The following PARD3B variants were observed in gnomAD, a reference collection of about 807,000 sequenced individuals.
PARD3B encodes partitioning defective 3 homolog B.
Under a neutral mutation model 130.2 loss-of-function variants are expected in PARD3B, and 103 were observed. The observed-to-expected ratio is 0.79, with a 90% confidence interval of 0.67 to 0.93. The LOEUF (loss-of-function observed/expected upper bound fraction) is 0.93. Among genes scored for constraint, PARD3B ranks in the 40% least tolerant of loss-of-function variants. The pLI is 0.00. For missense variants in PARD3B, 1,609 were observed against 1,499.2 expected (o/e 1.07, Z -1.21); for synonymous variants, 583 against 553.2 (o/e 1.05, Z -0.76).
At chr2:205,580,241 G>A (rs992140208) in intron 22 of PARD3B, among the ~76,000 whole-genome samples, 10 of 152,026 alleles carry the variant, frequency 6.6e-5, no homozygotes, top group African/African-American at 2.4e-4. Context: ...ATTCAGGTTT[G>A]GTGATTTATA....
At chr2:205,019,944 T>C (rs922716314) in intron 3 of PARD3B, among the ~76,000 whole-genome samples, 9 of 152,130 alleles carry the variant, frequency 5.9e-5, no homozygotes, top group African/African-American at 2.2e-4. Flanking sequence ...GCAATAAAGT[T>C]ATAGTCCCCA....
At chr2:205,365,110 G>T (rs1446908384) in intron 18 of PARD3B, among the ~76,000 whole-genome samples, 3 of 150,572 alleles carry the variant, frequency 2.0e-5, no homozygotes, top group Non-Finnish European at 4.4e-5. Flanking sequence ...TAAGGCAGGA[G>T]AATTGTTTGA....
intron 2 of PARD3B, among the ~76,000 whole-genome samples, chr2:204,808,214 GTTTTAT>G (rs1321752125): frequency 1.3e-5 from 2 of 151,898 alleles, no homozygotes; most frequent in South Asian, 2.1e-4. Flanking sequence ...TTTTTTACTA[GTTTTAT>G]TTTTAAGTTT....
chr2:205,556,318 A>C (rs997586618), intron 22 of PARD3B, among the ~76,000 whole-genome samples: 1 of 152,200 alleles, frequency 6.6e-6, no homozygotes, highest in Non-Finnish European at 1.5e-5. Context: ...GGAACAATTC[A>C]ATAACATTGA....
intron 11 of PARD3B, among the ~76,000 whole-genome samples, chr2:205,169,629 C>T (rs1299866317): frequency 6.6e-6 from 1 of 152,084 alleles, no homozygotes; most frequent in Non-Finnish European, 1.5e-5. Flanking sequence ...TATCTTGTTT[C>T]TTCCTGTCGT....
At chr2:204,881,677 G>A (rs573007286) in intron 2 of PARD3B, among the ~76,000 whole-genome samples, 1 of 152,276 alleles carries the variant, frequency 6.6e-6, no homozygotes, top group Admixed American at 6.5e-5. Flanking sequence ...AATTTCTGAT[G>A]GATTCCAGGC....
intron 20 of PARD3B, among the ~76,000 whole-genome samples, chr2:205,494,879 A>G (rs2049867174): frequency 6.6e-6 from 1 of 152,200 alleles, no homozygotes; most frequent in East Asian, 1.9e-4. Context: ...AATGTCAACA[A>G]CAATGTCATC....
intron 19 of PARD3B, among the ~76,000 whole-genome samples, chr2:205,412,823 C>T (rs1224186753): frequency 6.6e-6 from 1 of 152,140 alleles, no homozygotes; most frequent in African/African-American, 2.4e-5. Flanking sequence ...TCCATTATAC[C>T]TTCTCAAACT....
chr2:204,848,529 A>G lies in PARD3B; in HGVS notation c.223-116623A>G, dbSNP rs2044561845. Among the ~76,000 whole-genome samples, 4 of 152,246 alleles carry G rather than the reference A, an allele frequency of 2.6e-5. No individual in the cohort carries two copies. In the South Asian group the frequency reaches 6.2e-4, roughly 24 times the overall value. On this transcript the variant is annotated intron_variant, in intron 2 of 22. Transcript: ENST00000406610. Reference sequence around the variant, plus strand: ...GTGTGTGGTACATGCCTGTAGTTCCAGCTCCTCTGGAGGCTGAGGCAGAAG... The same window carrying G: ...GTGTGTGGTACATGCCTGTAGTTCCGGCTCCTCTGGAGGCTGAGGCAGAAG...
intron 16 of PARD3B, among the ~76,000 whole-genome samples, chr2:205,254,291 A>T (rs186266159): frequency 9.9e-5 from 15 of 152,122 alleles, no homozygotes; most frequent in African/African-American, 3.1e-4. Context: ...CCGACACCTC[A>T]TATTGGAAGT....
chr2:204,804,531 A>G (rs1260175738), intron 2 of PARD3B, among the ~76,000 whole-genome samples: 5 of 152,194 alleles, frequency 3.3e-5, no homozygotes, highest in Non-Finnish European at 7.3e-5. Flanking sequence ...TAGAGACCCC[A>G]ATATGTTAAT....
chr2:205,427,383 C>T (rs371748591), intron 19 of PARD3B, among the ~76,000 whole-genome samples: 4 of 152,170 alleles, frequency 2.6e-5, no homozygotes, highest in Middle Eastern at 3.4e-3. Context: ...ATGCATGACT[C>T]GTTAAATAAA....
In PARD3B at chr2:205,309,332, C is replaced by G. The variant is rs1474806661; in HGVS notation, c.2630+7631C>G. Among the ~76,000 whole-genome samples the G allele has an allele frequency of 6.6e-6, 1 of 152,098 alleles. No individual in the cohort carries two copies. Among genetic ancestry groups the G allele is most frequent in the African/African-American group, 2.4e-5 (1 of 41,414 alleles). On this transcript the variant is annotated intron_variant, in intron 18 of 22. Transcript: ENST00000406610. The surrounding 1 kb of genome is among the most constrained non-coding windows in gnomAD (Gnocchi z 4.7). ...CAACTCAGATAATGCAAGCATACCTCAAAGATAGACTAGTTCGGTTACATA... is the reference window on the plus strand; with the variant it reads ...CAACTCAGATAATGCAAGCATACCTGAAAGATAGACTAGTTCGGTTACATA...
intron 22 of PARD3B, among the ~76,000 whole-genome samples, chr2:205,569,140 C>T (rs751714452): frequency 3.3e-5 from 5 of 151,158 alleles, no homozygotes; most frequent in African/African-American, 4.9e-5. Context: ...TTACTCTCAG[C>T]GAGGTTTAAT....
chr2:204,600,284 G>A (rs1319432990), intron 1 of PARD3B, among the ~76,000 whole-genome samples: 2 of 151,666 alleles, frequency 1.3e-5, no homozygotes, highest in African/African-American at 4.8e-5. Context: ...GTTTTCTTCT[G>A]TTAGTTTCAT....
intron 18 of PARD3B, among the ~76,000 whole-genome samples, chr2:205,327,654 T>C (rs975130361): frequency 6.6e-6 from 1 of 152,182 alleles, no homozygotes; most frequent in African/African-American, 2.4e-5. Flanking sequence ...CTTAGCTAGC[T>C]GGGCAAACTT....
rs200017829 is a variant in PARD3B, at chr2:205,200,099, G to A, written c.2140+6779G>A. Among the ~76,000 whole-genome samples the A allele has an allele frequency of 7.2e-5, 11 of 152,206 alleles. No homozygotes were observed. In the East Asian group the frequency reaches 2.1e-3, roughly 29 times the overall value. Reference sequence around the variant, plus strand: ...GGAAAATGTTTTACATATAGGTTATGTTGATGTTTATAAAAGTATTTCCAT... The same window carrying A: ...GGAAAATGTTTTACATATAGGTTATATTGATGTTTATAAAAGTATTTCCAT... On this transcript the variant is annotated intron_variant, in intron 15 of 22. Coordinates refer to ENST00000406610, the MANE Select transcript of PARD3B (RefSeq NM_001302769.2).
intron 2 of PARD3B, among the ~76,000 whole-genome samples, chr2:204,743,532 G>T (rs2040096249): frequency 6.6e-6 from 1 of 152,118 alleles, no homozygotes; most frequent in African/African-American, 2.4e-5. Context: ...GAAGAGAAAA[G>T]AAACAAACTT....
chr2:204,634,342 T>G (rs1382312509), intron 1 of PARD3B, among the ~76,000 whole-genome samples: 2 of 152,244 alleles, frequency 1.3e-5, no homozygotes, highest in Non-Finnish European at 2.9e-5. Flanking sequence ...TATGGCTGAA[T>G]AGTACCCCAT....
Sources: gnomAD v4.1 joint callset for allele counts (sites outside exome capture counted in the v4.1 genomes callset) on GRCh38, gnomAD v4.1.1 for gene constraint, Gnocchi (gnomAD v3.1) non-coding constraint, MANE v1.5 for transcripts, NCBI Gene and HGNC (gene_info 2026-07-23, HGNC 2026-07-21) for gene names.